The following RPSA2 variants were observed in gnomAD, a reference collection of about 807,000 sequenced individuals.
RPSA2 encodes the protein small ribosomal subunit protein uS2B.
chr19:23,823,426 G>A, the RPSA2 span, among the ~76,000 whole-genome samples: 5 of 152,154 alleles, frequency 3.3e-5, no homozygotes, highest in East Asian at 3.9e-4. Flanking sequence ...CACTAGTCCC[G>A]GTTGGTCCCA....
At chr19:23,854,403 G>A in the RPSA2 span, among the ~76,000 whole-genome samples, 1 of 152,226 alleles carries the variant, frequency 6.6e-6, no homozygotes, top group Non-Finnish European at 1.5e-5. Context: ...TGAGACAGAA[G>A]AGGCTGGGAC....
chr19:23,852,345 G>GACACAC, the RPSA2 span, among the ~76,000 whole-genome samples: 1,464 of 151,636 alleles, frequency 9.7e-3, 22 homozygotes, highest in African/African-American at 0.033. Context: ...AGGAATTAAA[G>GACACAC]ACACACACAC....
the RPSA2 span, among the ~76,000 whole-genome samples, chr19:23,856,108 G>A: frequency 6.6e-6 from 1 of 152,084 alleles, no homozygotes. Context: ...AGATAACAAA[G>A]GCCGAACAGA....
chr19:23,797,661 C>T, the RPSA2 span, among the ~76,000 whole-genome samples: 327 of 152,234 alleles, frequency 2.1e-3, 2 homozygotes, highest in Non-Finnish European at 3.8e-3. Flanking sequence ...AGTTATCTGT[C>T]TATTAGTGCC....
chr19:23,846,700 C>T, the RPSA2 span, among the ~76,000 whole-genome samples: 5 of 152,112 alleles, frequency 3.3e-5, no homozygotes, highest in Non-Finnish European at 5.9e-5. Flanking sequence ...TCTCTTCTGG[C>T]CAGTAAAGTT....
At chr19:23,780,661 A>AAAC in the RPSA2 span, among the ~76,000 whole-genome samples, 20 of 121,550 alleles carry the variant, frequency 1.6e-4, 1 homozygote, top group African/African-American at 5.4e-4. Flanking sequence ...AAACAAAACA[A>AAAC]AAAACAAAAC....
chr19:23,845,746 C>A, the RPSA2 span, among the ~76,000 whole-genome samples: 1 of 152,196 alleles, frequency 6.6e-6, no homozygotes, highest in Non-Finnish European at 1.5e-5. Flanking sequence ...CCTGCCTCAG[C>A]CTCACAAAGT....
At chr19:23,761,358 G>A in the RPSA2 span, among the ~76,000 whole-genome samples, 6 of 152,056 alleles carry the variant, frequency 3.9e-5, no homozygotes, top group Admixed American at 1.3e-4. Flanking sequence ...TGGATTACAG[G>A]TGTTAGCCAT....
the RPSA2 span, among the ~76,000 whole-genome samples, chr19:23,829,144 G>T: frequency 6.6e-6 from 1 of 152,240 alleles, no homozygotes; most frequent in East Asian, 1.9e-4. Context: ...TGTTTGCATG[G>T]AATGTCTACT....
the RPSA2 span, among the ~76,000 whole-genome samples, chr19:23,859,299 A>G: frequency 6.6e-6 from 1 of 152,180 alleles, no homozygotes; most frequent in Non-Finnish European, 1.5e-5. Context: ...TACACTTACC[A>G]TTTATGAATA....
chr19:23,783,310 T>C, the RPSA2 span, among the ~76,000 whole-genome samples: 3 of 151,922 alleles, frequency 2.0e-5, no homozygotes, highest in Non-Finnish European at 2.9e-5. Flanking sequence ...GGTCAGGCTG[T>C]TCTCAAACTC....
At chr19:23,823,020 C>G in the RPSA2 span, among the ~76,000 whole-genome samples, 6 of 152,136 alleles carry the variant, frequency 3.9e-5, no homozygotes, top group Non-Finnish European at 5.9e-5. Flanking sequence ...GGGAACTGGT[C>G]TAGGTGCCCT....
chr19:23,834,359 A>G, the RPSA2 span, among the ~76,000 whole-genome samples: 1 of 152,010 alleles, frequency 6.6e-6, no homozygotes, highest in African/African-American at 2.4e-5. Context: ...AAAGCATGTG[A>G]CTAATTGTTG....
At chr19:23,833,364 T>C in the RPSA2 span, 1 of 250,532 alleles carries the variant, frequency 4.0e-6, no homozygotes, top group African/African-American at 2.3e-5. Context: ...CATAAGGTTA[T>C]TTATACTGGA....
the RPSA2 span, among the ~76,000 whole-genome samples, chr19:23,773,503 C>T: frequency 1.3e-5 from 2 of 152,030 alleles, no homozygotes; most frequent in Admixed American, 6.6e-5. Context: ...AGGATGGTCT[C>T]GATCTCCTGA....
the RPSA2 span, among the ~76,000 whole-genome samples, chr19:23,806,004 T>TGTCA: frequency 0.073 from 9,429 of 129,622 alleles, 485 homozygotes; most frequent in South Asian, 0.11. Flanking sequence ...TCTGTCTGTC[T>TGTCA]ATCTATCTAT....
the RPSA2 span, among the ~76,000 whole-genome samples, chr19:23,759,302 CT>C: frequency 6.6e-6 from 1 of 152,236 alleles, no homozygotes; most frequent in Admixed American, 6.6e-5. Flanking sequence ...GCATTCAAAT[CT>C]TCCTGGATGG....
chr19:23,862,471 T>C, the RPSA2 span, among the ~76,000 whole-genome samples: 1 of 151,838 alleles, frequency 6.6e-6, no homozygotes, highest in African/African-American at 2.4e-5. Flanking sequence ...TCAAAGGGAA[T>C]GCTTCCAGTT....
the RPSA2 span, among the ~76,000 whole-genome samples, chr19:23,857,662 T>TG: frequency 6.6e-6 from 1 of 150,626 alleles, no homozygotes; most frequent in Non-Finnish European, 1.5e-5. Flanking sequence ...AGCTAATTTT[T>TG]TTTTTGTATT....
Sources: gnomAD v4.1 joint callset for allele counts (sites outside exome capture counted in the v4.1 genomes callset) on GRCh38, gnomAD v4.1.1 for gene constraint, MANE v1.5 for transcripts, NCBI Gene and HGNC (gene_info 2026-07-23, HGNC 2026-07-21) for gene names.